The following CFAP20 variants were observed in gnomAD, a reference collection of about 807,000 sequenced individuals.
The protein encoded by CFAP20 is cilia- and flagella-associated protein 20.
Under a neutral mutation model 25.5 loss-of-function variants are expected in CFAP20, and 14 were observed. The observed-to-expected ratio is 0.55, with a 90% CI of 0.36 to 0.86. The LOEUF (loss-of-function observed/expected upper bound fraction) is 0.86, where lower values mean the gene tolerates loss of function less well. Ranked by LOEUF, CFAP20 falls within the 40% of genes least tolerant of loss-of-function variation. The pLI, the probability that CFAP20 is intolerant of heterozygous loss-of-function variation, is 0.01. For missense variants in CFAP20, 181 were observed against 248.0 expected, an observed-to-expected ratio of 0.73 and a Z score of 1.81; for synonymous variants, 75 against 91.1, an observed-to-expected ratio of 0.82 and a Z score of 1.01.
At chr16:58,115,167 A>T (rs527714880) in intron 4 of CFAP20, 102 bp downstream of exon 4, 1 of 1,490,224 alleles carries the variant, frequency 6.7e-7, no homozygotes, top group African/African-American at 1.4e-5. Context: ...TGGCAACTGA[A>T]GCCAGAAACC....
At chr16:58,119,295 A>G (rs1960500797) in intron 1 of CFAP20, 1 of 152,254 alleles carries the variant, frequency 6.6e-6, no homozygotes, top group South Asian at 2.1e-4. Context: ...AAGACCAGTT[A>G]TGAAGCATCA....
intron 1 of CFAP20, among the ~76,000 whole-genome samples, chr16:58,118,549 G>A (rs1259687535): frequency 6.6e-6 from 1 of 151,182 alleles, no homozygotes; most frequent in Admixed American, 6.6e-5. Flanking sequence ...CATGGCTGGG[G>A]TCAGGCATGG....
chr16:58,114,620 G>A (rs754540042), intron 5 of CFAP20, among the ~76,000 whole-genome samples, 190 bp downstream of exon 5: 6 of 152,154 alleles, frequency 3.9e-5, no homozygotes, highest in African/African-American at 9.6e-5. Flanking sequence ...GGAAACAGCA[G>A]TAACAGAGTA....
At chr16:58,121,739 TAAAG>T (rs1285991550) in intron 1 of CFAP20, among the ~76,000 whole-genome samples, 1 of 151,672 alleles carries the variant, frequency 6.6e-6, no homozygotes, top group African/African-American at 2.4e-5. Context: ...GGGCAACTAA[TAAAG>T]AACACCGATT....
chr16:58,118,377 G>A (rs1485141801), intron 1 of CFAP20, among the ~76,000 whole-genome samples: 1 of 151,786 alleles, frequency 6.6e-6, no homozygotes, highest in Non-Finnish European at 1.5e-5. Context: ...CAACTACTTG[G>A]GAGGCTAAGG....
intron 1 of CFAP20, chr16:58,119,118 T>C (rs1449634712): frequency 1.3e-5 from 2 of 152,214 alleles, no homozygotes; most frequent in Non-Finnish European, 2.9e-5. Flanking sequence ...ATTAATAATA[T>C]GTTTCTGTTT....
At chr16:58,126,165 C>A (rs995647727) in intron 1 of CFAP20, among the ~76,000 whole-genome samples, 5 of 152,134 alleles carry the variant, frequency 3.3e-5, no homozygotes, top group Non-Finnish European at 1.5e-5. Context: ...TGAGGTTTTT[C>A]GGTAAGGTAC....
chr16:58,126,750 C>T (rs1960618590), intron 1 of CFAP20, among the ~76,000 whole-genome samples: 2 of 152,188 alleles, frequency 1.3e-5, no homozygotes, highest in Non-Finnish European at 2.9e-5. Context: ...ACTAAGCTGT[C>T]GCTCAATAAA....
intron 1 of CFAP20, among the ~76,000 whole-genome samples, chr16:58,122,308 C>A (rs1206628144): frequency 6.6e-6 from 1 of 152,172 alleles, no homozygotes; most frequent in Admixed American, 6.5e-5. Flanking sequence ...CGGACGGGCG[C>A]GGTGGCTCAC....
intron 1 of CFAP20, among the ~76,000 whole-genome samples, chr16:58,121,315 G>A (rs999309274): frequency 2.0e-5 from 3 of 152,174 alleles, no homozygotes; most frequent in Non-Finnish European, 4.4e-5. Context: ...CCAGTTCAGA[G>A]GTCACTGGGC....
Position 58,116,099 on chromosome 16 carries a change from A to C in CFAP20, c.218T>G (p.Leu73Arg). 6.2e-7 allele frequency: 1 copy of C among 1,614,012 alleles called. No homozygotes were observed. Among genetic ancestry groups the C allele is most frequent in the Non-Finnish European group, 8.5e-7 (1 of 1,179,856 alleles). The change falls in exon 3 of 6, where the codon CTT becomes CGT. Residue 73 changes from leucine (L) to arginine (R), a missense_variant. Leu to Arg is a moderately radical substitution (Grantham distance 102, BLOSUM62 -2). Coordinates refer to ENST00000262498, the MANE Select transcript of CFAP20 (RefSeq NM_013242.3). ...ADPKKTLGIKLPFLVMIIKNL... is the reference protein window; with the variant it reads ...ADPKKTLGIKRPFLVMIIKNL... ...TTTGATAATCATGACAAGGAAAGGAAGTTTAATTCCCAGCGTCTTCTTGGG... is the reference window on the plus strand; with the variant it reads ...TTTGATAATCATGACAAGGAAAGGACGTTTAATTCCCAGCGTCTTCTTGGG...
chr16:58,124,827 AGTG>A lies in CFAP20; in HGVS notation c.84+4202_84+4204del, dbSNP rs1194277353. Among the ~76,000 whole-genome samples the A allele has an allele frequency of 2.6e-5, 4 of 152,050 alleles. No individual in the cohort carries two copies. The East Asian group carries it at 5.8e-4, about 22-fold the overall frequency. On this transcript the variant is annotated intron_variant, in intron 1 of 5. Coordinates refer to ENST00000262498, the MANE Select transcript of CFAP20 (RefSeq NM_013242.3). Reference sequence around the variant, plus strand: ...ATTTATTTTATTTAGTTATTTAGTTAGTGCTGGGATTACAGGCATGAGCCACTG... The same window carrying A: ...ATTTATTTTATTTAGTTATTTAGTTACTGGGATTACAGGCATGAGCCACTG...
chr16:58,129,354 C>T lies in CFAP20; in HGVS notation c.-239G>A, dbSNP rs1004498760. The T allele has an allele frequency of 2.2e-5, 11 of 490,650 alleles. No individual in the cohort carries two copies. The Admixed American group carries it at 2.5e-4, about 11-fold the overall frequency. 30.4% of individuals were successfully genotyped at this position (490,650 alleles called of 1,614,324 possible). On this transcript the variant is annotated 5_prime_UTR_variant, in exon 1 of 6. Coordinates refer to ENST00000262498, the MANE Select transcript of CFAP20 (RefSeq NM_013242.3). ...AACGGAAACCACAGCAACTACCGTC[C>T]GCGCCGCGGTATTTCCCCGCCTTCA...
intron 1 of CFAP20, among the ~76,000 whole-genome samples, chr16:58,126,082 T>A (rs979231450): frequency 5.9e-5 from 9 of 152,194 alleles, no homozygotes; most frequent in Non-Finnish European, 8.8e-5. Context: ...GTTAAGGACA[T>A]AGCTAAGATC....
chr16:58,114,711 A>G, intron 5 of CFAP20, 99 bp downstream of exon 5: 1 of 927,674 alleles, frequency 1.1e-6, no homozygotes, highest in Non-Finnish European at 1.7e-6. Flanking sequence ...GTGTCAACAC[A>G]GAGAGGCTCT....
Position 58,115,361 on chromosome 16 carries a change from GC to G in CFAP20, c.372del (p.Leu125TrpfsTer13). On this transcript the variant is annotated frameshift_variant, in exon 4 of 6. Coordinates refer to ENST00000262498, the MANE Select transcript of CFAP20 (RefSeq NM_013242.3). LOFTEE classifies it high-confidence loss of function. ...TGAATCTGGTTCCAGCCGTCATCCA[GC>G]CGCATGGGCATGGTGCAGATGAAGG... ...VKPFICTMPM[R>X]LDDGWNQIQF... 1 of 1,614,244 alleles carries G rather than the reference GC, an allele frequency of 6.2e-7. No homozygotes were observed. Among genetic ancestry groups the G allele is most frequent in the Non-Finnish European group, 8.5e-7 (1 of 1,180,042 alleles).
chr16:58,116,666 T>A, intron 2 of CFAP20: 1 of 547,610 alleles, frequency 1.8e-6, no homozygotes, highest in Non-Finnish European at 3.2e-6. Flanking sequence ...AATAACCCTA[T>A]AAGGAAAATG....
At position 58,129,373 on chromosome 16, in the gene CFAP20, G is replaced by C. The variant is rs1047952152; in HGVS notation, c.-258C>G. On this transcript the variant is annotated 5_prime_UTR_variant, in exon 1 of 6. Coordinates refer to ENST00000262498, the MANE Select transcript of CFAP20 (RefSeq NM_013242.3). ...ACCGTCCGCGCCGCGGTATTTCCCCGCCTTCAATGGAGGCGGAGGGCCGCC... is the reference window on the plus strand; with the variant it reads ...ACCGTCCGCGCCGCGGTATTTCCCCCCCTTCAATGGAGGCGGAGGGCCGCC... 1.1e-5 allele frequency: 5 copies of C among 469,240 alleles called. No homozygotes were observed. Among genetic ancestry groups the C allele is most frequent in the Admixed American group, 7.3e-5 (2 of 27,450 alleles). The allele number at this position is 469,240 out of a possible 1,614,324, so 29.1% of individuals were successfully genotyped here. A position where few individuals can be genotyped will look rare whatever the true frequency, so the allele number is the denominator to read the frequency against.
intron 1 of CFAP20, among the ~76,000 whole-genome samples, chr16:58,128,456 A>C (rs1960651773): frequency 6.6e-6 from 1 of 152,180 alleles, no homozygotes; most frequent in African/African-American, 2.4e-5. Flanking sequence ...AGTGGGAGGA[A>C]GGGAGCAAAT....
Sources: gnomAD v4.1 joint callset for allele counts (sites outside exome capture counted in the v4.1 genomes callset) on GRCh38, gnomAD v4.1.1 for gene constraint, MANE v1.5 for transcripts, NCBI Gene and HGNC (gene_info 2026-07-23, HGNC 2026-07-21) for gene names.